The following NEB variants were observed in gnomAD, a reference collection of about 807,000 sequenced individuals.
The protein encoded by NEB is nemaline myopathy type 2.
NEB carries 512 observed loss-of-function variants against 952.2 expected under a neutral mutation model. That is an observed-to-expected ratio of 0.54 (90% CI 0.50 to 0.58). The LOEUF (loss-of-function observed/expected upper bound fraction) is 0.58, where lower values mean the gene tolerates loss of function less well. Ranked by LOEUF, NEB falls within the 20% of genes least tolerant of loss-of-function variation. The probability of loss-of-function intolerance (pLI) is 0.00; values close to 1 mark genes in which losing one functional copy is unlikely to be tolerated. For missense variants in NEB, 8,428 were observed against 9,231.1 expected, an observed-to-expected ratio of 0.91 and a Z score of 3.56; for synonymous variants, 2,900 against 3,149.8, an observed-to-expected ratio of 0.92 and a Z score of 2.66.
intron 114 of NEB, 59 bp from the exon 115 acceptor site, chr2:151,565,879 AG>A: frequency 8.6e-7 from 1 of 1,167,476 alleles, no homozygotes; most frequent in Non-Finnish European, 1.2e-6. Context: ...AGGCTTACAG[AG>A]GGCAGGTTAC....
At chr2:151,622,782 A>G (rs1306603961) in intron 71 of NEB, among the ~76,000 whole-genome samples, 1 of 152,202 alleles carries the variant, frequency 6.6e-6, no homozygotes, top group Non-Finnish European at 1.5e-5. Context: ...CTCTTTTACT[A>G]TCAAATATAC....
intron 13 of NEB, among the ~76,000 whole-genome samples, chr2:151,704,439 G>A (rs2099694180): frequency 6.7e-6 from 1 of 149,862 alleles, no homozygotes; most frequent in Non-Finnish European, 1.5e-5. Flanking sequence ...CTGGGCAATG[G>A]CGGGCGCCCC....
At chr2:151,492,690 T>C (rs1297214182) in intron 176 of NEB, 196 bp from the exon 177 acceptor site, 5 of 397,008 alleles carry the variant, frequency 1.3e-5, no homozygotes, top group Non-Finnish European at 2.2e-5. Context: ...AGAAAGGACT[T>C]GTTTTGACTT....
At position 151,570,328 on chromosome 2, in the gene NEB, T is replaced by G; in HGVS notation, c.17183A>C (p.Asp5728Ala). 6.2e-7 allele frequency: 1 copy of G among 1,606,676 alleles called. No individual in the cohort carries two copies. The highest frequency in any genetic ancestry group is 8.5e-7 in the Non-Finnish European group (1 of 1,174,700). The change falls in exon 109 of 182, where the codon GAT becomes GCT. Residue 5728 changes from aspartate (D) to alanine (A), a missense_variant. Physicochemically the swap from Asp to Ala is moderately radical, Grantham distance 126 (BLOSUM62 -2). Transcript: ENST00000397345. ...GAGGGCCCAGCGGATCTTGTTGTCATCCCTGGCTGTGAGGGTGCCCACGTA... is the reference window on the plus strand; with the variant it reads ...GAGGGCCCAGCGGATCTTGTTGTCAGCCCTGGCTGTGAGGGTGCCCACGTA... ...GHYVGTLTAR[D>A]DNKIRWALIA...
rs1254548169 is a variant in NEB at position 151,666,269 on chromosome 2, A to T, written c.4852T>A (p.Tyr1618Asn). The T allele has an allele frequency of 6.2e-7, 1 of 1,613,992 alleles. No individual in the cohort carries two copies. Among genetic ancestry groups the T allele is most frequent in the Non-Finnish European group, 8.5e-7 (1 of 1,179,876 alleles). Residue 1618 changes from tyrosine (Y) to asparagine (N), a missense_variant, in exon 41 of 182, where the codon TAT becomes AAT. This residue lies in a region of NEB where 2,851 missense variants were observed against 2,791.5 expected (regional missense o/e 1.02). Coordinates refer to ENST00000397345, the MANE Select transcript of NEB (RefSeq NM_001164508.2). ...TGGTACTTGGTCTTGCTGGCTTCAT[A>T]GCCCTTTTTGTACTCACGATCAGAC... ...IQSDREYKKG[Y>N]EASKTKYHTP...
intron 165 of NEB, among the ~76,000 whole-genome samples, chr2:151,504,534 G>A (rs2067265727): frequency 6.6e-6 from 1 of 152,200 alleles, no homozygotes; most frequent in African/African-American, 2.4e-5. Flanking sequence ...AGAGTGAGAA[G>A]GGAATGAGAT....
At position 151,680,817 on chromosome 2, in the gene NEB, G is replaced by C. The variant is rs748523874; in HGVS notation, c.2955C>G (p.Arg985=). 6.2e-7 allele frequency: 1 copy of C among 1,612,222 alleles called. No individual in the cohort carries two copies. The highest frequency in any genetic ancestry group is 8.5e-7 in the Non-Finnish European group (1 of 1,178,420). Residue 985 remains arginine, a synonymous_variant, in exon 30 of 182, where the codon CGC becomes CGG. Transcript: ENST00000397345. ...TAAACTTGAGGGTGTCTGGATGTTG[G>C]CGATATTTTTTCTGTTTGGCAAATC... ...ASDILNEKKY[R]QHPDTLKFTS...
At chr2:151,673,436 T>TAA (rs35236177) in intron 36 of NEB, among the ~76,000 whole-genome samples, 24 of 132,040 alleles carry the variant, frequency 1.8e-4, no homozygotes, top group Admixed American at 6.2e-4. Context: ...GTGTAAGTGC[T>TAA]AAAAAAAAAA....
At chr2:151,576,516 A>ATTTTTTTTTTTT (rs869125440) in intron 105 of NEB, among the ~76,000 whole-genome samples, 162 bp from the exon 106 acceptor site, 1 of 18,890 alleles carries the variant, frequency 5.3e-5, no homozygotes. Flanking sequence ...ATATATATAT[A>ATTTTTTTTTTTT]TTTTTTTTTT....
chr2:151,686,685 C>G (rs1013535711), intron 27 of NEB, among the ~76,000 whole-genome samples: 1 of 152,044 alleles, frequency 6.6e-6, no homozygotes, highest in Non-Finnish European at 1.5e-5. Flanking sequence ...TCTCTTTCAT[C>G]ATTAAAAAAA....
chr2:151,493,995 G>A, intron 174 of NEB, 128 bp from the exon 175 acceptor site: 1 of 889,428 alleles, frequency 1.1e-6, no homozygotes, highest in Non-Finnish European at 1.7e-6. Flanking sequence ...CAAGAAGAAA[G>A]CTTAAAAATA....
At chr2:151,533,586 T>C (rs1192650458) in intron 142 of NEB, 40 bp from the exon 143 acceptor site, 28 of 1,359,926 alleles carry the variant, frequency 2.1e-5, no homozygotes, top group South Asian at 3.7e-5. Context: ...AAGAGACTTA[T>C]GAAGACAGAA....
intron 129 of NEB, 57 bp downstream of exon 129, chr2:151,551,681 C>T: frequency 7.3e-7 from 1 of 1,370,128 alleles, no homozygotes; most frequent in Non-Finnish European, 1.0e-6. Flanking sequence ...CAGCTTGCTT[C>T]CACAGAGGCT....
chr2:151,565,278 A>T (rs2096303693), intron 116 of NEB, 130 bp from the exon 117 acceptor site: 1 of 667,896 alleles, frequency 1.5e-6, no homozygotes, highest in East Asian at 2.7e-5. Context: ...AGCCCATTTT[A>T]GCTAAAACAA....
chr2:151,650,711 A>G lies in NEB; in HGVS notation c.7090T>C (p.Leu2364=), dbSNP rs2099020733. The G allele has an allele frequency of 1.9e-6, 3 of 1,613,768 alleles. No individual in the cohort carries two copies. Among genetic ancestry groups the G allele is most frequent in the African/African-American group, 2.7e-5 (2 of 74,892 alleles). The change falls in exon 53 of 182, where the codon TTG becomes CTG. Residue 2364 remains leucine, a synonymous_variant. Transcript: ENST00000397345. ...KTKFSSPVDM[L]GVVLAKKCQE... is the part of the protein sequence containing the mutation. Reference sequence around the variant, plus strand: ...CACTTCTTGGCCAGTACCACTCCCAACATGTCCACTGGGCTGGAGAACTTA... The same window carrying G: ...CACTTCTTGGCCAGTACCACTCCCAGCATGTCCACTGGGCTGGAGAACTTA...
At chr2:151,657,382 G>T (rs2099096957) in intron 48 of NEB, among the ~76,000 whole-genome samples, 1 of 152,180 alleles carries the variant, frequency 6.6e-6, no homozygotes, top group Admixed American at 6.5e-5. Flanking sequence ...CCAAATGAAA[G>T]AATTGAGTTT....
chr2:151,698,851 G>A (rs1184678047), intron 13 of NEB, among the ~76,000 whole-genome samples: 1 of 151,564 alleles, frequency 6.6e-6, no homozygotes, highest in African/African-American at 2.4e-5. Flanking sequence ...TGTTAGCCAG[G>A]ATGGTCTCCA....
Position 151,486,930 on chromosome 2 carries a change from G to GT in NEB, c.25405-998dup, listed in dbSNP as rs1219986220. Among the ~76,000 whole-genome samples, 6 of 152,110 alleles carry GT rather than the reference G, an allele frequency of 3.9e-5. No homozygotes were observed. The East Asian group carries it at 5.8e-4, about 15-fold the overall frequency. Reference sequence around the variant, plus strand: ...ATTCACCAGAAGAGTTTTGAATACAGTTTTTTTTATGGTGATGAAAGTATT... The same window carrying GT: ...ATTCACCAGAAGAGTTTTGAATACAGTTTTTTTTTATGGTGATGAAAGTATT... On this transcript the variant is annotated intron_variant, in intron 181 of 181. Coordinates refer to ENST00000397345, the MANE Select transcript of NEB (RefSeq NM_001164508.2).
At position 151,534,229 on chromosome 2, in the gene NEB, C is replaced by T. The variant is rs771186380; in HGVS notation, c.21313-683G>A. 27 of 1,613,252 alleles carry T rather than the reference C, an allele frequency of 1.7e-5. No individual in the cohort carries two copies. The highest frequency in any genetic ancestry group is 1.9e-5 in the Non-Finnish European group (23 of 1,179,702). On this transcript the variant is annotated intron_variant, in intron 142 of 181. Coordinates refer to ENST00000397345, the MANE Select transcript of NEB (RefSeq NM_001164508.2). ...CATCACAGTACCTGACTGATCTGGT[C>T]GCCTGCGGTCTTAGCCAGCAGATGT...
Sources: gnomAD v4.1 joint callset for allele counts (sites outside exome capture counted in the v4.1 genomes callset) on GRCh38, gnomAD v4.1.1 for gene constraint, gnomAD v4.1.1 regional missense constraint, MANE v1.5 for transcripts, NCBI Gene and HGNC (gene_info 2026-07-23, HGNC 2026-07-21) for gene names.